Variants in KLHL13 observed in about 807,000 individuals in gnomAD.
The protein encoded by KLHL13 is kelch like family member 13, also known as kelch-like protein 13.
KLHL13 carries 10 observed loss-of-function variants against 37.1 expected under a neutral mutation model. The ratio of observed to expected loss-of-function variants is 0.27; its 90% CI spans 0.17 to 0.46. The LOEUF is 0.46. Ranked by LOEUF, KLHL13 falls within the 20% of genes least tolerant of loss-of-function variation. KLHL13 has a pLI of 1.00. For synonymous variants in KLHL13, 163 were observed against 181.2 expected (o/e 0.90, Z 0.81); for missense variants, 360 against 509.3 (o/e 0.71, Z 2.82).
chrX:117,989,783 G>T (rs573927907), intron 1 of KLHL13, among the ~76,000 whole-genome samples: 40 of 111,523 alleles, frequency 3.6e-4, no homozygotes, highest in African/African-American at 1.2e-3. Flanking sequence ...AAGTGTTCAA[G>T]CAAACCTCCC....
intron 2 of KLHL13, among the ~76,000 whole-genome samples, chrX:117,939,635 A>G (rs1033214626): frequency 3.6e-5 from 4 of 111,985 alleles, no homozygotes; most frequent in Non-Finnish European, 7.5e-5. Flanking sequence ...CACCATTCTA[A>G]CTGGCATGAG....
intron 1 of KLHL13, among the ~76,000 whole-genome samples, chrX:118,110,377 C>CTTTTT (rs1054663520): frequency 3.2e-4 from 26 of 82,506 alleles, no homozygotes; most frequent in Non-Finnish European, 3.9e-4. Context: ...ATTTCTTTTT[C>CTTTTT]TTTTTTTTTT....
In KLHL13 at chrX:117,985,923, T is replaced by C. The variant is rs138776726; in HGVS notation, c.-55-40348A>G. Among the ~76,000 whole-genome samples the C allele has an allele frequency of 1.5e-3, 166 of 111,200 alleles. 2 individuals carry two copies. Among genetic ancestry groups the C allele is most frequent in the African/African-American group, 5.2e-3 (161 of 30,681 alleles). On this transcript the variant is annotated intron_variant, in intron 1 of 6. Coordinates refer to the KLHL13 transcript ENST00000371882. ...ATCTCCCTGCATTGCCCGTCTTCAA[T>C]TTGTCAATCCCATTCCATCTAGATC... is the stretch of plus-strand genomic sequence containing the variant.
intron 2 of KLHL13, among the ~76,000 whole-genome samples, chrX:117,931,622 A>C (rs192834985): frequency 1.8e-5 from 2 of 112,638 alleles, no homozygotes; most frequent in African/African-American, 6.4e-5. Context: ...GCCTTTGCTA[A>C]TACATGTTTT....
At chrX:117,992,121 A>T (rs1236491039) in intron 1 of KLHL13, among the ~76,000 whole-genome samples, 2 of 109,293 alleles carry the variant, frequency 1.8e-5, no homozygotes, top group African/African-American at 6.7e-5. Flanking sequence ...GCTGGAGGTG[A>T]GAGAGAGCCT....
chrX:118,092,245 C>G (rs1267929792), intron 1 of KLHL13, among the ~76,000 whole-genome samples: 1 of 111,795 alleles, frequency 8.9e-6, no homozygotes, highest in Non-Finnish European at 1.9e-5. Flanking sequence ...AAAATTGACT[C>G]TAAACCACAT....
chrX:117,909,401 C>T (rs778658546), exon 5 of KLHL13: 2 of 1,209,287 alleles, frequency 1.7e-6, no homozygotes, highest in South Asian at 1.8e-5. Flanking sequence ...ATGCAACTTG[C>T]ATCCATTTAT....
intron 1 of KLHL13, among the ~76,000 whole-genome samples, chrX:117,989,250 G>C (rs1388104257): frequency 1.8e-5 from 2 of 110,736 alleles, no homozygotes; most frequent in Non-Finnish European, 3.8e-5. Flanking sequence ...ACCTGATCCT[G>C]AGGTAGGCAA....
At chrX:117,909,650 G>A (rs1337346075) in exon 5 of KLHL13, 2 of 1,211,366 alleles carry the variant, frequency 1.7e-6, no homozygotes, top group Non-Finnish European at 2.2e-6. Context: ...CCAAGTGAGT[G>A]GTGTCAGACC....
chrX:118,097,865 T>G (rs937113607), intron 1 of KLHL13, among the ~76,000 whole-genome samples: 6 of 111,831 alleles, frequency 5.4e-5, no homozygotes, highest in African/African-American at 9.8e-5. Context: ...CTGGGAAAAC[T>G]GGCTAGCCAT....
intron 1 of KLHL13, among the ~76,000 whole-genome samples, chrX:118,059,802 TTC>T: frequency 9.0e-6 from 1 of 110,940 alleles, no homozygotes; most frequent in South Asian, 3.8e-4. Context: ...GACCCTTCCA[TTC>T]TCAGGGAAGA....
intron 2 of KLHL13, among the ~76,000 whole-genome samples, chrX:117,941,532 C>T (rs1346997931): frequency 9.0e-6 from 1 of 111,383 alleles, no homozygotes; most frequent in African/African-American, 3.3e-5. Flanking sequence ...TTGGTCTATT[C>T]AGGGATTCGA....
intron 6 of KLHL13, among the ~76,000 whole-genome samples, chrX:117,900,686 T>C (rs1006015863): frequency 2.7e-5 from 3 of 111,720 alleles, no homozygotes; most frequent in Non-Finnish European, 5.6e-5. Context: ...CAGTGGTCAA[T>C]CAGGTCACAA....
At chrX:117,945,740 G>T (rs1406575548) in intron 1 of KLHL13, 165 bp from the exon 3 acceptor site, 1 of 405,245 alleles carries the variant, frequency 2.5e-6, no homozygotes, top group Non-Finnish European at 4.2e-6. Flanking sequence ...TATCTTAGAA[G>T]AAATGTATAT....
chrX:117,985,745 T>A (rs750390676), intron 1 of KLHL13, among the ~76,000 whole-genome samples: 1 of 111,182 alleles, frequency 9.0e-6, no homozygotes, highest in African/African-American at 3.3e-5. Context: ...TGTTGTATTA[T>A]CTTTATTTTT....
intron 1 of KLHL13, among the ~76,000 whole-genome samples, chrX:118,056,410 T>A (rs1286517068): frequency 9.0e-6 from 1 of 111,298 alleles, no homozygotes. Context: ...TTTAACACAA[T>A]CCTCATCAGA....
chrX:118,037,602 G>A (rs796666590), intron 1 of KLHL13, among the ~76,000 whole-genome samples: 4 of 109,431 alleles, frequency 3.7e-5, no homozygotes, highest in Non-Finnish European at 5.7e-5. Flanking sequence ...TGTGGGGTGG[G>A]GGAAGGGGGG....
Position 117,909,481 on chromosome X carries a change from C to T in KLHL13, c.1186G>A (p.Gly396Arg), listed in dbSNP as rs1291087310. ...CCTTTTGTATCATAATTACTCTGTC[C>T]GCCAACCACATAGAGAAAATTTCCA... is the stretch of plus-strand genomic sequence containing the variant. The change falls in exon 5 of 7, where the codon GGA (glycine) becomes AGA (arginine). Residue 396 changes from glycine (G) to arginine (R), a missense_variant. Transcript: ENST00000262820. The T allele has an allele frequency of 1.7e-6, 2 of 1,211,317 alleles. No individual in the cohort carries two copies. Among genetic ancestry groups the T allele is most frequent in the Non-Finnish European group, 2.2e-6 (2 of 895,284 alleles).
At chrX:117,909,748 T>C in exon 5 of KLHL13, 1 of 1,211,557 alleles carries the variant, frequency 8.3e-7, no homozygotes. Context: ...TTCACACAAG[T>C]ATTGTCAGTT....
Sources: allele counts gnomAD v4.1 joint callset (sites outside exome capture counted in the v4.1 genomes callset), GRCh38; gene constraint gnomAD v4.1.1; transcripts MANE v1.5; gene names NCBI Gene and HGNC (gene_info 2026-07-23, HGNC 2026-07-21).